FAM234B: variants seen among roughly 807,000 people sequenced by gnomAD.
FAM234B encodes protein FAM234B.
In FAM234B, 33 loss-of-function variants were observed where a neutral mutation model predicts 69.3. The observed-to-expected ratio is 0.48, with a 90% CI of 0.36 to 0.64. The LOEUF is 0.64. FAM234B is among the 30% of genes least tolerant of loss of function. The pLI is 0.00. For synonymous variants in FAM234B, 306 were observed against 306.9 expected (o/e 1.00, Z 0.03); for missense variants, 697 against 769.7 (o/e 0.91, Z 1.12).
chr12:13,051,580 C>G (rs1245285467), intron 1 of FAM234B, among the ~76,000 whole-genome samples: 1 of 152,184 alleles, frequency 6.6e-6, no homozygotes, highest in Non-Finnish European at 1.5e-5. Flanking sequence ...TGTTTGCTAT[C>G]TGGAGTAGGT....
intron 11 of FAM234B, among the ~76,000 whole-genome samples, chr12:13,076,929 C>T (rs750232930): frequency 2.4e-4 from 36 of 152,138 alleles, no homozygotes; most frequent in Non-Finnish European, 4.0e-4. Context: ...ACCAGATGAC[C>T]ACATCTCCTT....
chr12:13,047,473 A>G (rs1328716698), intron 1 of FAM234B, among the ~76,000 whole-genome samples: 1 of 152,192 alleles, frequency 6.6e-6, no homozygotes, highest in Non-Finnish European at 1.5e-5. Flanking sequence ...TATAGTGTAT[A>G]CTATAGTATA....
chr12:13,061,588 A>G lies in FAM234B; in HGVS notation c.546A>G (p.Pro182=). ...RNGSAVGVSR[P]AANLVCLSGM... is the part of the protein sequence containing the mutation. Reference sequence around the variant, plus strand: ...GTGTGCTTTTAGGTGTCTCAAGACCAGCTGCTAATCTTGTATGCCTTTCGG... The same window carrying G: ...GTGTGCTTTTAGGTGTCTCAAGACCGGCTGCTAATCTTGTATGCCTTTCGG... The change falls in exon 4 of 13, where the codon CCA becomes CCG. Residue 182 remains proline (P), a synonymous_variant. Coordinates refer to ENST00000197268, the MANE Select transcript of FAM234B (RefSeq NM_020853.2). The G allele has an allele frequency of 6.2e-7, 1 of 1,612,288 alleles. No homozygotes were observed. Among genetic ancestry groups the G allele is most frequent in the Non-Finnish European group, 8.5e-7 (1 of 1,179,244 alleles).
intron 2 of FAM234B, among the ~76,000 whole-genome samples, chr12:13,057,458 T>G (rs1324661788): frequency 5.6e-5 from 5 of 89,076 alleles, no homozygotes; most frequent in Non-Finnish European, 1.0e-4. Flanking sequence ...CTTCCAGTCT[T>G]TTTTTTTTTA....
At position 13,044,742 on chromosome 12, in the gene FAM234B, G is replaced by C. The variant is rs1389965780; in HGVS notation, c.37+302G>C. Among the ~76,000 whole-genome samples, 1 of 152,212 alleles carries C rather than the reference G, an allele frequency of 6.6e-6. No homozygotes were observed. The stretch of plus-strand genomic sequence containing the variant: ...ACGCCGGTCGCCGCTGTCCCGAGGG[G>C]AGGCTGGCGAGAGGAGCATCCTTCC... On this transcript the variant is annotated intron_variant, in intron 1 of 12. Coordinates refer to ENST00000197268, the MANE Select transcript of FAM234B (RefSeq NM_020853.2). The surrounding 1 kb of genome is among the most constrained non-coding windows in gnomAD (Gnocchi z 5.6).
chr12:13,081,252 A>G lies in FAM234B; in HGVS notation c.*622A>G, dbSNP rs1375795866. 6.6e-6 allele frequency: 1 copy of G among 152,176 alleles called. No homozygotes were observed. Among genetic ancestry groups the G allele is most frequent in the Non-Finnish European group, 1.5e-5 (1 of 68,054 alleles). The allele number at this position is 152,176 out of a possible 1,614,324, so 9.4% of individuals were successfully genotyped here. Reference sequence around the variant, plus strand: ...CTGAGTTAGCCATCCAAGCATTTTCATCTCTCTTGTTTTATATCCTATTTC... The same window carrying G: ...CTGAGTTAGCCATCCAAGCATTTTCGTCTCTCTTGTTTTATATCCTATTTC... On this transcript the variant is annotated 3_prime_UTR_variant, in exon 13 of 13. Coordinates refer to ENST00000197268, the MANE Select transcript of FAM234B (RefSeq NM_020853.2).
chr12:13,054,056 G>T (rs1187531244), intron 1 of FAM234B, among the ~76,000 whole-genome samples: 7 of 152,120 alleles, frequency 4.6e-5, no homozygotes, highest in Non-Finnish European at 8.8e-5. Context: ...CCTGAAAATC[G>T]CTGTTATTCT....
At position 13,058,458 on chromosome 12, in the gene FAM234B, C is replaced by T. The variant is rs1322275404; in HGVS notation, c.441C>T (p.Asp147=). Reference sequence around the variant, plus strand: ...TTTTTATGTGTATAACAGGTGGGGACCTGTCTCCATTGGAATTGGCTGATG... The same window carrying T: ...TTTTTATGTGTATAACAGGTGGGGATCTGTCTCCATTGGAATTGGCTGATG... ...SRHLGSQGGG[D]LSPLELADVN... The change falls in exon 3 of 13, where the codon GAC becomes GAT. Residue 147 remains aspartate, a synonymous_variant. Coordinates refer to ENST00000197268, the MANE Select transcript of FAM234B (RefSeq NM_020853.2). The T allele has an allele frequency of 3.1e-6, 5 of 1,613,732 alleles. No individual in the cohort carries two copies. Among genetic ancestry groups the T allele is most frequent in the Admixed American group, 3.3e-5 (2 of 59,980 alleles).
At chr12:13,053,505 G>A (rs148851990) in intron 1 of FAM234B, among the ~76,000 whole-genome samples, 189 of 152,144 alleles carry the variant, frequency 1.2e-3, no homozygotes, top group Middle Eastern at 3.4e-3. Flanking sequence ...ATCACATATC[G>A]GTAGGTCCGT....
chr12:13,055,461 T>C (rs970654639), intron 1 of FAM234B, 90 bp from the exon 2 acceptor site: 1 of 1,297,818 alleles, frequency 7.7e-7, no homozygotes. Flanking sequence ...TAGTTTTCCG[T>C]GTTCTTCTGG....
intron 2 of FAM234B, among the ~76,000 whole-genome samples, chr12:13,056,893 A>C (rs1007887481): frequency 4.0e-5 from 6 of 151,678 alleles, no homozygotes; most frequent in African/African-American, 1.5e-4. Context: ...TACCATGTCA[A>C]TATGTACCCC....
In FAM234B at chr12:13,077,520, T is replaced by G. The variant is rs563539314; in HGVS notation, c.1642+1377T>G. 9.5e-4 allele frequency among the ~76,000 whole-genome samples: 142 copies of G among 149,880 alleles called. 1 individual carries two copies. Among genetic ancestry groups the G allele is most frequent in the African/African-American group, 3.4e-3 (138 of 40,758 alleles). ...CCCACCTATGAGTGAGAACATGCGG[T>G]GTTTGGTTTTTTGTCCTTGCGATAG... On this transcript the variant is annotated intron_variant, in intron 11 of 12. Coordinates refer to ENST00000197268, the MANE Select transcript of FAM234B (RefSeq NM_020853.2).
intron 4 of FAM234B, 154 bp from the exon 5 acceptor site, chr12:13,062,691 T>A (rs2120474281): frequency 3.0e-6 from 2 of 670,456 alleles, no homozygotes; most frequent in Admixed American, 5.9e-5. Context: ...TTCCTCCTCC[T>A]CAGTAAGACA....
chr12:13,072,867 G>T (rs1865122158), intron 10 of FAM234B, among the ~76,000 whole-genome samples: 1 of 152,042 alleles, frequency 6.6e-6, no homozygotes, highest in Non-Finnish European at 1.5e-5. Flanking sequence ...TGTCAATGCA[G>T]TCTTTTTTTA....
At chr12:13,055,505 T>A (rs1332325041) in intron 1 of FAM234B, 46 bp from the exon 2 acceptor site, 1 of 1,500,374 alleles carries the variant, frequency 6.7e-7, no homozygotes, top group Admixed American at 2.2e-5. Context: ...GGTGAGGGTG[T>A]CTTCTCCCCA....
chr12:13,055,611 G>A lies in FAM234B; in HGVS notation c.98G>A (p.Ser33Asn), dbSNP rs1344840438. The A allele has an allele frequency of 3.1e-6, 5 of 1,614,124 alleles. No homozygotes were observed. Among genetic ancestry groups the A allele is most frequent in the Non-Finnish European group, 4.2e-6 (5 of 1,179,966 alleles). Residue 33 changes from serine to asparagine, a missense_variant, in exon 2 of 13, where the codon AGC (serine) becomes AAC (asparagine). Ser to Asn is a conservative substitution (Grantham distance 46). Transcript: ENST00000197268. ...CTTACCCAGGCTGACAGTGATGAGA[G>A]CGAAGACGATCTGGTGCTTAACCTG... ...DPLTQADSDE[S>N]EDDLVLNLQK...
chr12:13,055,782 T>C lies in FAM234B; in HGVS notation c.269T>C (p.Leu90Pro), dbSNP rs1864922687. ...TACCCCTCAGAACCCCTTGGGGGCC[T>C]GGAACAGAAGGCGGCCTCCTCCCTG... Reference protein sequence around the residue: ...EGYPSEPLGGLEQKAASSLVS... With the variant: ...EGYPSEPLGGPEQKAASSLVS... Residue 90 changes from leucine to proline, a missense_variant, in exon 2 of 13, where the codon CTG becomes CCG. Physicochemically the swap from Leu to Pro is moderately conservative, Grantham distance 98. This residue lies in a region of FAM234B where 380 missense variants were observed against 447.1 expected (regional missense o/e 0.85). Transcript: ENST00000197268. 1 of 1,614,212 alleles carries C rather than the reference T, an allele frequency of 6.2e-7. No homozygotes were observed. Among genetic ancestry groups the C allele is most frequent in the Non-Finnish European group, 8.5e-7 (1 of 1,180,024 alleles).
rs763192106 is a variant in FAM234B, at chr12:13,067,319, G to A, written c.1142+23G>A. The A allele has an allele frequency of 6.2e-7, 1 of 1,613,354 alleles. No homozygotes were observed. The highest frequency in any genetic ancestry group is 1.1e-5 in the South Asian group (1 of 91,032). ...CAGGTAGGGCAGACGTCTGTCCTTG[G>A]TCACAGTGAGATCTCTTGTGAACTC... On this transcript the variant is annotated intron_variant, in intron 7 of 12. Coordinates refer to ENST00000197268, the MANE Select transcript of FAM234B (RefSeq NM_020853.2). The surrounding 1 kb of genome is among the most constrained non-coding windows in gnomAD (Gnocchi z 4.7).
At chr12:13,047,982 G>C (rs1177513729) in intron 1 of FAM234B, among the ~76,000 whole-genome samples, 3 of 152,122 alleles carry the variant, frequency 2.0e-5, no homozygotes, top group African/African-American at 7.2e-5. Context: ...CTTGCAGTCT[G>C]TAATCCTTAA....
Sources: gnomAD v4.1 joint callset for allele counts (sites outside exome capture counted in the v4.1 genomes callset) on GRCh38, gnomAD v4.1.1 for gene constraint, gnomAD v4.1.1 regional missense constraint, Gnocchi (gnomAD v3.1) non-coding constraint, MANE v1.5 for transcripts, NCBI Gene and HGNC (gene_info 2026-07-23, HGNC 2026-07-21) for gene names.